The following RPS6KC1 variants were observed in gnomAD, a reference collection of about 807,000 sequenced individuals.
RPS6KC1 encodes ribosomal protein S6 kinase C1.
Under a neutral mutation model 103.8 loss-of-function variants are expected in RPS6KC1, and 54 were observed. The ratio of observed to expected loss-of-function variants is 0.52; its 90% CI spans 0.42 to 0.65. The LOEUF (loss-of-function observed/expected upper bound fraction) is 0.65, where lower values mean the gene tolerates loss of function less well. RPS6KC1 is among the 30% of genes least tolerant of loss of function. The pLI, the probability that RPS6KC1 is intolerant of heterozygous loss-of-function variation, is 0.00. For missense variants in RPS6KC1, 1,151 were observed against 1,253.8 expected, an observed-to-expected ratio of 0.92 and a Z score of 1.24; for synonymous variants, 439 against 438.7, an observed-to-expected ratio of 1.00 and a Z score of -0.01.
At chr1:213,394,038 G>A in the RPS6KC1 span, among the ~76,000 whole-genome samples, 10 of 152,262 alleles carry the variant, frequency 6.6e-5, no homozygotes, top group East Asian at 3.9e-4. Flanking sequence ...ACATGGAGCC[G>A]TGGACAGGTT....
chr1:213,278,202 C>G (rs1256596096), downstream of RPS6KC1, among the ~76,000 whole-genome samples: 2 of 148,962 alleles, frequency 1.3e-5, no homozygotes, highest in African/African-American at 2.5e-5. Context: ...GTGACCTAGA[C>G]TTAAAAAAAA....
At chr1:213,285,735 C>T in the RPS6KC1 span, among the ~76,000 whole-genome samples, 2 of 152,074 alleles carry the variant, frequency 1.3e-5, no homozygotes, top group African/African-American at 4.8e-5. Context: ...TTCCTGTGTT[C>T]AAACCTAATA....
At chr1:213,734,108 A>G in the RPS6KC1 span, among the ~76,000 whole-genome samples, 28 of 152,232 alleles carry the variant, frequency 1.8e-4, no homozygotes. Context: ...CTAATTTACA[A>G]TTCTCTTTAG....
At position 213,240,743 on chromosome 1, in the gene RPS6KC1, A is replaced by G. The variant is rs1432848640; in HGVS notation, c.1267A>G (p.Ser423Gly). 4 of 1,613,068 alleles carry G rather than the reference A, an allele frequency of 2.5e-6. No individual in the cohort carries two copies. In the African/African-American group the frequency reaches 5.3e-5, roughly 22 times the overall value. The change falls in exon 11 of 15, where the codon AGT becomes GGT. Residue 423 changes from serine to glycine, a missense_variant. Ser to Gly is a moderately conservative substitution (Grantham distance 56). This residue lies in a region of RPS6KC1 where 959 missense variants were observed against 1,006.3 expected (regional missense o/e 0.95). Transcript: ENST00000366960. ...ATATATCAGTAAATTTCTAAACAGAAGTCCTGAAGAAAGCTTTGACATCAA... is the reference window on the plus strand; with the variant it reads ...ATATATCAGTAAATTTCTAAACAGAGGTCCTGAAGAAAGCTTTGACATCAA... Reference protein sequence around the residue: ...WSYISKFLNRSPEESFDIKEV... With the variant: ...WSYISKFLNRGPEESFDIKEV...
chr1:213,703,229 A>C, the RPS6KC1 span, among the ~76,000 whole-genome samples: 1 of 152,188 alleles, frequency 6.6e-6, no homozygotes, highest in African/African-American at 2.4e-5. Context: ...GAAAACTAAT[A>C]AAAACTCTAC....
At chr1:213,723,199 T>A in the RPS6KC1 span, among the ~76,000 whole-genome samples, 7 of 152,132 alleles carry the variant, frequency 4.6e-5, no homozygotes, top group African/African-American at 1.7e-4. Flanking sequence ...AAGGGAGTAT[T>A]CTCTGTTTCC....
chr1:213,511,025 C>T, the RPS6KC1 span, among the ~76,000 whole-genome samples: 69 of 151,926 alleles, frequency 4.5e-4, no homozygotes, highest in African/African-American at 1.3e-3. Context: ...AGGAGAAATC[C>T]GAAAGAGAAG....
chr1:213,761,853 G>A, the RPS6KC1 span, among the ~76,000 whole-genome samples: 4 of 152,308 alleles, frequency 2.6e-5, no homozygotes, highest in African/African-American at 9.6e-5. Flanking sequence ...GGTGGGTTGA[G>A]GGTGTTATTA....
downstream of RPS6KC1, among the ~76,000 whole-genome samples, chr1:213,279,439 A>G (rs1461148115): frequency 6.6e-6 from 1 of 152,192 alleles, no homozygotes; most frequent in Non-Finnish European, 1.5e-5. Flanking sequence ...AGAGAGAGAC[A>G]AACCAGGAAA....
At chr1:213,412,629 T>C in the RPS6KC1 span, among the ~76,000 whole-genome samples, 1 of 152,244 alleles carries the variant, frequency 6.6e-6, no homozygotes, top group Non-Finnish European at 1.5e-5. Flanking sequence ...CTTGGCCAGT[T>C]TGATGGACTT....
At chr1:213,740,743 T>C in the RPS6KC1 span, among the ~76,000 whole-genome samples, 351 of 131,362 alleles carry the variant, frequency 2.7e-3, 4 homozygotes, top group African/African-American at 9.5e-3. Flanking sequence ...CTCAGATATA[T>C]GTACACATAT....
Position 213,185,741 on chromosome 1 carries a change from C to G in RPS6KC1, c.1044+9249C>G, listed in dbSNP as rs560880117. Among the ~76,000 whole-genome samples the G allele has an allele frequency of 3.0e-4, 45 of 149,266 alleles. 1 individual carries two copies. The South Asian group carries it at 6.5e-3, about 22-fold the overall frequency. On this transcript the variant is annotated intron_variant, in intron 8 of 14. Transcript: ENST00000366960. Reference sequence around the variant, plus strand: ...TTTTAACAATCTTTTTTTTTTCCTGCTTATTTTCTGGTTATTTTGACACTC... The same window carrying G: ...TTTTAACAATCTTTTTTTTTTCCTGGTTATTTTCTGGTTATTTTGACACTC...
chr1:213,514,386 C>T, the RPS6KC1 span, among the ~76,000 whole-genome samples: 3 of 129,672 alleles, frequency 2.3e-5, no homozygotes, highest in Non-Finnish European at 4.8e-5. Flanking sequence ...CCCCCTCCCC[C>T]CACCCCACAA....
At chr1:213,432,862 G>A in the RPS6KC1 span, among the ~76,000 whole-genome samples, 1 of 151,634 alleles carries the variant, frequency 6.6e-6, no homozygotes, top group South Asian at 2.1e-4. Flanking sequence ...TTGTATGAAT[G>A]TACTACAATT....
At chr1:213,687,956 C>T in the RPS6KC1 span, among the ~76,000 whole-genome samples, 34 of 152,202 alleles carry the variant, frequency 2.2e-4, no homozygotes, top group Non-Finnish European at 4.1e-4. Flanking sequence ...CCACACCCCA[C>T]ACCCTTAGCG....
chr1:213,621,787 T>C, the RPS6KC1 span, among the ~76,000 whole-genome samples: 1 of 152,094 alleles, frequency 6.6e-6, no homozygotes, highest in African/African-American at 2.4e-5. Flanking sequence ...TGTGGGCCCT[T>C]CTGAACACAA....
chr1:213,179,257 A>G (rs2092100092), intron 8 of RPS6KC1, among the ~76,000 whole-genome samples: 1 of 151,956 alleles, frequency 6.6e-6, no homozygotes. Context: ...TCTACTAGAA[A>G]TACAGAAATT....
chr1:213,505,239 A>G, the RPS6KC1 span, among the ~76,000 whole-genome samples: 1 of 152,186 alleles, frequency 6.6e-6, no homozygotes, highest in Non-Finnish European at 1.5e-5. Flanking sequence ...TCAGGGAGAA[A>G]AAAAGAACCA....
intron 8 of RPS6KC1, among the ~76,000 whole-genome samples, chr1:213,200,792 A>T (rs1372597091): frequency 6.6e-6 from 1 of 152,230 alleles, no homozygotes; most frequent in Non-Finnish European, 1.5e-5. Context: ...AAACAGCCCC[A>T]TTGAAAAGTG....
Sources: gnomAD v4.1 joint callset for allele counts (sites outside exome capture counted in the v4.1 genomes callset) on GRCh38, gnomAD v4.1.1 for gene constraint, gnomAD v4.1.1 regional missense constraint, MANE v1.5 for transcripts, NCBI Gene and HGNC (gene_info 2026-07-23, HGNC 2026-07-21) for gene names.